Variants in GRIP1 observed in about 807,000 individuals in gnomAD.
The protein encoded by GRIP1 is glutamate receptor-interacting protein 1.
In GRIP1, 45 loss-of-function variants were observed where a neutral mutation model predicts 129.9. The observed-to-expected ratio is 0.35, with a 90% CI of 0.27 to 0.44. GRIP1 has a LOEUF of 0.44. GRIP1 is among the 20% of genes least tolerant of loss of function. The pLI is 1.00. For missense variants in GRIP1, 1,196 were observed against 1,396.8 expected (o/e 0.86, Z 2.29); for synonymous variants, 530 against 520.8 (o/e 1.02, Z -0.24).
At chr12:66,880,810 G>A (rs1206622289) in intron 1 of GRIP1, among the ~76,000 whole-genome samples, 1 of 152,026 alleles carries the variant, frequency 6.6e-6, no homozygotes, top group Admixed American at 6.6e-5. Context: ...ATTTATATAG[G>A]CAGACCCTTA....
At chr12:66,512,775 T>C (rs1438702668) in intron 7 of GRIP1, among the ~76,000 whole-genome samples, 1 of 152,020 alleles carries the variant, frequency 6.6e-6, no homozygotes, top group Non-Finnish European at 1.5e-5. Flanking sequence ...AAATCAGATA[T>C]ATTAAAAATG....
At chr12:66,531,309 A>ACT in intron 4 of GRIP1, among the ~76,000 whole-genome samples, 1 of 79,626 alleles carries the variant, frequency 1.3e-5, no homozygotes, top group Non-Finnish European at 2.3e-5. Flanking sequence ...ATATACACAC[A>ACT]CACACACATA....
chr12:67,014,955 T>C (rs1444189866), intron 1 of GRIP1, among the ~76,000 whole-genome samples: 1 of 152,108 alleles, frequency 6.6e-6, no homozygotes, highest in Non-Finnish European at 1.5e-5. Flanking sequence ...CCTTCCAGAA[T>C]GGTTAAATGT....
intron 1 of GRIP1, among the ~76,000 whole-genome samples, chr12:67,006,351 G>A (rs931596747): frequency 6.6e-6 from 1 of 152,102 alleles, no homozygotes; most frequent in African/African-American, 2.4e-5. Flanking sequence ...GATCACTTGA[G>A]CCTAGCAGTT....
intron 2 of GRIP1, chr12:66,567,775 T>A: frequency 4.7e-6 from 1 of 214,406 alleles, no homozygotes; most frequent in South Asian, 8.7e-5. Flanking sequence ...GTGGTAATTC[T>A]GTGCTTCCTG....
intron 1 of GRIP1, among the ~76,000 whole-genome samples, chr12:66,811,996 T>A (rs116200387): frequency 6.6e-6 from 1 of 152,304 alleles, no homozygotes; most frequent in African/African-American, 2.4e-5. Flanking sequence ...TGGCCCCCAA[T>A]CCTAGCTATG....
intron 1 of GRIP1, among the ~76,000 whole-genome samples, chr12:66,919,281 G>C (rs1288408470): frequency 2.0e-5 from 3 of 152,158 alleles, no homozygotes; most frequent in Non-Finnish European, 2.9e-5. Flanking sequence ...GTGTTCACCT[G>C]AAAGCAGAGT....
intron 1 of GRIP1, among the ~76,000 whole-genome samples, chr12:66,976,034 G>T (rs2042146512): frequency 6.6e-6 from 1 of 152,100 alleles, no homozygotes; most frequent in Admixed American, 6.6e-5. Context: ...ATAACTTTGG[G>T]ATCCTTTTTT....
At position 66,590,481 on chromosome 12, in the gene GRIP1, G is replaced by A. The variant is rs570763305; in HGVS notation, c.136+6366C>T. Among the ~76,000 whole-genome samples the A allele has an allele frequency of 1.2e-3, 188 of 152,226 alleles. 1 individual carries two copies. Among genetic ancestry groups the A allele is most frequent in the Non-Finnish European group, 1.5e-3 (99 of 68,006 alleles). On this transcript the variant is annotated intron_variant, in intron 2 of 24. Transcript: ENST00000359742. ...GTACTCCCAGCCACATAGCAAACTG[G>A]ATCAGTTCTCTGGAGGAGATAATTA...
chr12:66,523,058 G>T (rs1472577354), intron 5 of GRIP1, among the ~76,000 whole-genome samples: 1 of 152,158 alleles, frequency 6.6e-6, no homozygotes, highest in South Asian at 2.1e-4. Context: ...TCTGACTGGT[G>T]TACCTGAAAG....
At chr12:66,474,585 C>T (rs1211327708) in intron 7 of GRIP1, among the ~76,000 whole-genome samples, 2 of 152,270 alleles carry the variant, frequency 1.3e-5, no homozygotes, top group African/African-American at 2.4e-5. Flanking sequence ...AGAGAAAGGT[C>T]GGGTTACCCA....
At chr12:66,822,036 G>T (rs1426843746) in intron 1 of GRIP1, among the ~76,000 whole-genome samples, 1 of 151,230 alleles carries the variant, frequency 6.6e-6, no homozygotes, top group African/African-American at 2.4e-5. Flanking sequence ...GTGTATGTGT[G>T]TATGTGTGTT....
At chr12:66,774,377 A>G (rs1171441437) in intron 1 of GRIP1, among the ~76,000 whole-genome samples, 1 of 152,222 alleles carries the variant, frequency 6.6e-6, no homozygotes, top group African/African-American at 2.4e-5. Flanking sequence ...AGACAGAAAT[A>G]AACTCAACCC....
chr12:66,803,943 AGAGAACACCATCT>A (rs2038927468), intron 1 of GRIP1: 2 of 360,450 alleles, frequency 5.5e-6, no homozygotes, highest in South Asian at 4.2e-5. Flanking sequence ...GACTGCTCAC[AGAGAACACCATCT>A]GAGAAACCTT....
At chr12:66,671,947 G>T (rs957710981) in intron 1 of GRIP1, among the ~76,000 whole-genome samples, 1 of 152,224 alleles carries the variant, frequency 6.6e-6, no homozygotes, top group East Asian at 1.9e-4. Context: ...TGAAAACTGG[G>T]AAACAAACTA....
At chr12:66,870,871 C>T (rs1028434395) in intron 1 of GRIP1, among the ~76,000 whole-genome samples, 1 of 152,090 alleles carries the variant, frequency 6.6e-6, no homozygotes, top group Non-Finnish European at 1.5e-5. Flanking sequence ...TGCCACATTG[C>T]TTTATGGCCT....
chr12:66,780,165 T>G (rs953261522), intron 1 of GRIP1, among the ~76,000 whole-genome samples: 1 of 152,070 alleles, frequency 6.6e-6, no homozygotes, highest in African/African-American at 2.4e-5. Flanking sequence ...AACCCGGAGA[T>G]GATGTATCTC....
At chr12:66,939,107 C>T (rs1473379513) in intron 1 of GRIP1, among the ~76,000 whole-genome samples, 1 of 152,164 alleles carries the variant, frequency 6.6e-6, no homozygotes. Flanking sequence ...CTGCCCTATA[C>T]TAGTTCTAAA....
At chr12:66,984,441 A>G (rs2042281842) in intron 1 of GRIP1, among the ~76,000 whole-genome samples, 1 of 152,194 alleles carries the variant, frequency 6.6e-6, no homozygotes, top group Non-Finnish European at 1.5e-5. Context: ...TTCATAAAAC[A>G]TCAGAGGCAT....
Sources: gnomAD v4.1 joint callset for allele counts (sites outside exome capture counted in the v4.1 genomes callset) on GRCh38, gnomAD v4.1.1 for gene constraint, MANE v1.5 for transcripts, NCBI Gene and HGNC (gene_info 2026-07-23, HGNC 2026-07-21) for gene names.